The following SLC35F3 variants were observed in gnomAD, a reference collection of about 807,000 sequenced individuals.
SLC35F3 encodes the protein solute carrier family 35 member F3, also known as putative thiamine transporter SLC35F3.
Under a neutral mutation model 49.9 loss-of-function variants are expected in SLC35F3, and 25 were observed. The ratio of observed to expected loss-of-function variants is 0.50; its 90% CI spans 0.37 to 0.70. The LOEUF is 0.70. Among genes scored for constraint, SLC35F3 ranks in the 30% least tolerant of loss-of-function variants. The pLI is 0.00. For missense variants in SLC35F3, 525 were observed against 639.8 expected (o/e 0.82, Z 1.94); for synonymous variants, 275 against 265.4 (o/e 1.04, Z -0.35).
chr1:234,168,090 G>A (rs1426620908), intron 2 of SLC35F3, among the ~76,000 whole-genome samples: 1 of 152,302 alleles, frequency 6.6e-6, no homozygotes, highest in Admixed American at 6.5e-5. Context: ...TCAGGCCTGA[G>A]GTCCCTGCCC....
chr1:233,930,087 C>T (rs1357510396), intron 2 of SLC35F3, among the ~76,000 whole-genome samples: 2 of 151,242 alleles, frequency 1.3e-5, no homozygotes, highest in Non-Finnish European at 2.9e-5. Context: ...AGTTTGAAGC[C>T]ATGATGAGCT....
At chr1:234,243,326 C>T (rs551584429) in intron 3 of SLC35F3, among the ~76,000 whole-genome samples, 4 of 152,056 alleles carry the variant, frequency 2.6e-5, no homozygotes, top group East Asian at 1.9e-4. Context: ...CTAGCCTGGG[C>T]GACAGAGTGA....
At chr1:234,256,012 G>A (rs1378920503) in intron 3 of SLC35F3, among the ~76,000 whole-genome samples, 1 of 152,052 alleles carries the variant, frequency 6.6e-6, no homozygotes. Flanking sequence ...GTACATCAAT[G>A]CAAGATATTA....
At chr1:233,937,839 G>A (rs1662358556) in intron 2 of SLC35F3, among the ~76,000 whole-genome samples, 1 of 152,186 alleles carries the variant, frequency 6.6e-6, no homozygotes, top group South Asian at 2.1e-4. Flanking sequence ...GGCAAGGATG[G>A]GAGACAGAGT....
intron 3 of SLC35F3, among the ~76,000 whole-genome samples, chr1:234,250,305 T>C (rs1177440576): frequency 1.3e-5 from 2 of 152,214 alleles, no homozygotes; most frequent in Non-Finnish European, 2.9e-5. Flanking sequence ...GCCCCTGTCT[T>C]CGCCTGTTTG....
chr1:233,994,857 A>C (rs1663432609), intron 2 of SLC35F3, among the ~76,000 whole-genome samples: 1 of 152,102 alleles, frequency 6.6e-6, no homozygotes, highest in South Asian at 2.1e-4. Context: ...GAAAAAAAAA[A>C]ACCCAAACCA....
chr1:233,909,248 G>T (rs963396683), intron 2 of SLC35F3, among the ~76,000 whole-genome samples: 1 of 152,170 alleles, frequency 6.6e-6, no homozygotes, highest in Admixed American at 6.5e-5. Flanking sequence ...TGTAAACAAG[G>T]AAGTAAGAAG....
At chr1:234,077,206 T>G (rs548592280) in intron 2 of SLC35F3, among the ~76,000 whole-genome samples, 1 of 151,012 alleles carries the variant, frequency 6.6e-6, no homozygotes, top group African/African-American at 2.4e-5. Flanking sequence ...GGGTTTCACC[T>G]TGTTAGCCAG....
chr1:234,086,534 A>T (rs1664964492), intron 2 of SLC35F3, among the ~76,000 whole-genome samples: 1 of 152,226 alleles, frequency 6.6e-6, no homozygotes, highest in Non-Finnish European at 1.5e-5. Flanking sequence ...ATTTACCTTG[A>T]GGAAAGGGAT....
chr1:233,916,518 C>G (rs927008187), intron 2 of SLC35F3, among the ~76,000 whole-genome samples: 1 of 152,238 alleles, frequency 6.6e-6, no homozygotes, highest in African/African-American at 2.4e-5. Flanking sequence ...GCAGTCCTCT[C>G]ACTTTAGCCT....
At chr1:233,944,680 A>G (rs1662484280) in intron 2 of SLC35F3, among the ~76,000 whole-genome samples, 1 of 152,240 alleles carries the variant, frequency 6.6e-6, no homozygotes, top group African/African-American at 2.4e-5. Context: ...CTAGAGGAAC[A>G]CAGGATAAAT....
chr1:233,950,875 A>C (rs548267229), intron 2 of SLC35F3, among the ~76,000 whole-genome samples: 1 of 152,086 alleles, frequency 6.6e-6, no homozygotes, highest in Non-Finnish European at 1.5e-5. Context: ...ATATCCCTGC[A>C]ATATCCCCAG....
At chr1:234,229,243 G>T (rs530045872) in intron 2 of SLC35F3, among the ~76,000 whole-genome samples, 2 of 150,320 alleles carry the variant, frequency 1.3e-5, no homozygotes, top group African/African-American at 4.8e-5. Context: ...TCCTTATAAC[G>T]CCTGTTAACT....
chr1:234,098,024 G>A (rs548533568), intron 2 of SLC35F3, among the ~76,000 whole-genome samples: 172 of 151,874 alleles, frequency 1.1e-3, no homozygotes, highest in African/African-American at 2.4e-3. Flanking sequence ...TGATGGAGGT[G>A]GTGACTGTGT....
rs200537404 is a variant in SLC35F3, at chr1:234,285,790, G to A, written c.609-23311G>A. ...GATTCCTGAGGGGTAGCGGGAGAAT[G>A]TGTGGTGGACACTGTGTAACTGAAC... On this transcript the variant is annotated intron_variant, in intron 3 of 7. Transcript: ENST00000366618. 2.0e-5 allele frequency among the ~76,000 whole-genome samples: 3 copies of A among 152,208 alleles called. No individual in the cohort carries two copies. In the East Asian group the frequency reaches 5.8e-4, roughly 29 times the overall value.
chr1:234,052,467 T>C (rs1664392400), intron 2 of SLC35F3, among the ~76,000 whole-genome samples: 1 of 152,240 alleles, frequency 6.6e-6, no homozygotes, highest in South Asian at 2.1e-4. Flanking sequence ...TGTATTTCTG[T>C]GGGATCAGTG....
intron 2 of SLC35F3, among the ~76,000 whole-genome samples, chr1:233,951,419 A>G (rs1571993493): frequency 1.3e-5 from 2 of 151,996 alleles, no homozygotes; most frequent in East Asian, 3.9e-4. Context: ...AGCTCCATTC[A>G]TGGTAAGTGC....
chr1:233,950,822 C>T (rs1449496582), intron 2 of SLC35F3, among the ~76,000 whole-genome samples: 1 of 152,044 alleles, frequency 6.6e-6, no homozygotes, highest in Non-Finnish European at 1.5e-5. Flanking sequence ...TCTGTCTTCC[C>T]TCACTAACAT....
At chr1:234,146,809 C>T (rs1025854034) in intron 2 of SLC35F3, among the ~76,000 whole-genome samples, 12 of 152,048 alleles carry the variant, frequency 7.9e-5, no homozygotes, top group African/African-American at 2.2e-4. Context: ...CCACCGTGCC[C>T]GGCCTCATCT....
Sources: gnomAD v4.1 joint callset for allele counts (sites outside exome capture counted in the v4.1 genomes callset) on GRCh38, gnomAD v4.1.1 for gene constraint, MANE v1.5 for transcripts, NCBI Gene and HGNC (gene_info 2026-07-23, HGNC 2026-07-21) for gene names.